DACH1: variants seen among roughly 807,000 people sequenced by gnomAD.
The protein encoded by DACH1 is dachshund family transcription factor 1, also known as dachshund homolog 1.
DACH1 carries 12 observed loss-of-function variants against 54.2 expected under a neutral mutation model. The observed-to-expected ratio is 0.22, with a 90% CI of 0.14 to 0.36. The LOEUF is 0.36. DACH1 is among the 10% of genes least tolerant of loss of function. The probability of loss-of-function intolerance (pLI) is 1.00; values close to 1 mark genes in which losing one functional copy is unlikely to be tolerated. For missense variants in DACH1, 805 were observed against 929.8 expected (o/e 0.87, Z 1.75); for synonymous variants, 386 against 366.2 (o/e 1.05, Z -0.62).
chr13:71,454,889 G>T (rs915188564), intron 10 of DACH1, among the ~76,000 whole-genome samples: 6 of 152,218 alleles, frequency 3.9e-5, no homozygotes, highest in African/African-American at 1.2e-4. Context: ...GAGGTAATTT[G>T]TTGTGACACT....
chr13:71,813,311 T>A (rs190366939), intron 1 of DACH1, among the ~76,000 whole-genome samples: 5 of 152,290 alleles, frequency 3.3e-5, no homozygotes, highest in African/African-American at 1.2e-4. Flanking sequence ...TAGATACTAT[T>A]CTATGTTTAG....
chr13:71,510,452 T>C (rs1880690461), intron 6 of DACH1, among the ~76,000 whole-genome samples: 1 of 151,988 alleles, frequency 6.6e-6, no homozygotes, highest in Non-Finnish European at 1.5e-5. Context: ...CACCTCCTCC[T>C]ATCATTTTGT....
At chr13:71,652,492 T>G (rs117681302) in intron 2 of DACH1, among the ~76,000 whole-genome samples, 1 of 152,064 alleles carries the variant, frequency 6.6e-6, no homozygotes, top group African/African-American at 2.4e-5. Context: ...CACTTTCTAT[T>G]CTATTTAAAA....
chr13:71,501,810 G>A (rs1051639562), intron 6 of DACH1, among the ~76,000 whole-genome samples: 1 of 152,220 alleles, frequency 6.6e-6, no homozygotes, highest in South Asian at 2.1e-4. Flanking sequence ...CTTCCTATGT[G>A]TGCAAAGCAA....
At chr13:71,733,340 G>T (rs1046777819) in intron 1 of DACH1, among the ~76,000 whole-genome samples, 4 of 151,826 alleles carry the variant, frequency 2.6e-5, no homozygotes, top group African/African-American at 9.7e-5. Context: ...TTTTTTGTTT[G>T]CTTGTTTGTT....
intron 1 of DACH1, among the ~76,000 whole-genome samples, chr13:71,816,084 C>CA (rs768782630): frequency 2.0e-5 from 3 of 150,310 alleles, no homozygotes; most frequent in African/African-American, 7.4e-5. Context: ...GACTCCGTCT[C>CA]CAAAAAAAAA....
At chr13:71,513,717 G>A (rs539812267) in intron 6 of DACH1, among the ~76,000 whole-genome samples, 1 of 151,938 alleles carries the variant, frequency 6.6e-6, no homozygotes, top group Non-Finnish European at 1.5e-5. Context: ...CATTTTCAAG[G>A]GTTTTGTATA....
At chr13:71,641,078 G>A (rs147327334) in intron 2 of DACH1, among the ~76,000 whole-genome samples, 1 of 151,798 alleles carries the variant, frequency 6.6e-6, no homozygotes, top group African/African-American at 2.4e-5. Context: ...AAACAAAAGA[G>A]GTGGCTATTT....
chr13:71,468,193 A>G (rs1876764869), intron 10 of DACH1, among the ~76,000 whole-genome samples: 1 of 152,228 alleles, frequency 6.6e-6, no homozygotes, highest in African/African-American at 2.4e-5. Flanking sequence ...ATTAAAAGTA[A>G]TAACAGCTTC....
intron 1 of DACH1, among the ~76,000 whole-genome samples, chr13:71,797,793 C>T (rs1255993362): frequency 2.6e-5 from 4 of 151,996 alleles, no homozygotes; most frequent in African/African-American, 9.7e-5. Context: ...CTCATTTTAC[C>T]GAGTCATGAA....
At chr13:71,660,220 C>G (rs1879398934) in intron 2 of DACH1, among the ~76,000 whole-genome samples, 1 of 151,992 alleles carries the variant, frequency 6.6e-6, no homozygotes, top group Non-Finnish European at 1.5e-5. Flanking sequence ...AATGAGCTTT[C>G]CTGTTTGATA....
chr13:71,517,775 C>T (rs1182208280), intron 6 of DACH1, among the ~76,000 whole-genome samples: 2 of 151,954 alleles, frequency 1.3e-5, no homozygotes, highest in East Asian at 3.9e-4. Flanking sequence ...AAAGCATTTG[C>T]TAGTCTAACC....
chr13:71,451,545 A>G (rs1875060766), intron 10 of DACH1, among the ~76,000 whole-genome samples: 2 of 152,204 alleles, frequency 1.3e-5, no homozygotes, highest in Admixed American at 6.6e-5. Context: ...CTGGGATAGT[A>G]TATTGGCTTA....
intron 2 of DACH1, among the ~76,000 whole-genome samples, chr13:71,663,672 A>G (rs536881874): frequency 3.9e-5 from 6 of 152,116 alleles, no homozygotes; most frequent in African/African-American, 1.4e-4. Context: ...TCCTTAAGAA[A>G]GAGCCCAGTT....
intron 10 of DACH1, among the ~76,000 whole-genome samples, chr13:71,441,092 A>T (rs1047379636): frequency 1.3e-5 from 2 of 152,042 alleles, no homozygotes; most frequent in African/African-American, 2.4e-5. Flanking sequence ...GGAAAGACTG[A>T]ACTCCCATCT....
chr13:71,754,203 C>T (rs1885046423), intron 1 of DACH1, among the ~76,000 whole-genome samples: 1 of 152,156 alleles, frequency 6.6e-6, no homozygotes, highest in African/African-American at 2.4e-5. Flanking sequence ...GAATTCACAG[C>T]TGGCTCACCT....
At chr13:71,699,751 G>A (rs896683090) in intron 1 of DACH1, among the ~76,000 whole-genome samples, 2 of 152,178 alleles carry the variant, frequency 1.3e-5, no homozygotes, top group Non-Finnish European at 2.9e-5. Context: ...TATTTGAAGG[G>A]ATGCCTTGAG....
chr13:71,637,984 ATT>A (rs1742356093), intron 2 of DACH1, among the ~76,000 whole-genome samples: 1 of 152,158 alleles, frequency 6.6e-6, no homozygotes, highest in African/African-American at 2.4e-5. Flanking sequence ...TGTTTGATAT[ATT>A]GTCTACTTTT....
intron 1 of DACH1, among the ~76,000 whole-genome samples, chr13:71,820,556 C>T (rs2138180785): frequency 6.6e-6 from 1 of 152,128 alleles, no homozygotes; most frequent in East Asian, 1.9e-4. Context: ...CTTTGGATGG[C>T]TTTGCTTTAG....
Sources: allele counts gnomAD v4.1 joint callset (sites outside exome capture counted in the v4.1 genomes callset), GRCh38; gene constraint gnomAD v4.1.1; transcripts MANE v1.5; gene names NCBI Gene and HGNC (gene_info 2026-07-23, HGNC 2026-07-21).